Variants in NUBPL observed in about 807,000 individuals in gnomAD.
NUBPL encodes the protein NUBP iron-sulfur cluster assembly factor, mitochondrial.
Under a neutral mutation model 45.7 loss-of-function variants are expected in NUBPL, and 31 were observed. The observed-to-expected ratio is 0.68, with a 90% CI of 0.51 to 0.92. The LOEUF (loss-of-function observed/expected upper bound fraction) is 0.92, where lower values mean the gene tolerates loss of function less well. NUBPL is among the 40% of genes least tolerant of loss of function. The pLI is 0.00. For synonymous variants in NUBPL, 144 were observed against 140.9 expected (o/e 1.02, Z -0.15); for missense variants, 401 against 398.7 (o/e 1.01, Z -0.05).
At chr14:31,676,746 CATTTTTTATTTTTT>C (rs1001662776) in intron 6 of NUBPL, among the ~76,000 whole-genome samples, 10 of 151,486 alleles carry the variant, frequency 6.6e-5, no homozygotes, top group South Asian at 2.1e-4. Flanking sequence ...GTCTTCTACT[CATTTTTTATTTTTT>C]ATTTTTTATT....
chr14:31,721,197 CA>C (rs1434155621), intron 6 of NUBPL, among the ~76,000 whole-genome samples: 1 of 152,122 alleles, frequency 6.6e-6, no homozygotes, highest in Non-Finnish European at 1.5e-5. Flanking sequence ...AAGTCTTAGG[CA>C]AATTGCCCTG....
At chr14:31,688,675 A>G (rs896310169) in intron 6 of NUBPL, among the ~76,000 whole-genome samples, 2 of 103,640 alleles carry the variant, frequency 1.9e-5, no homozygotes, top group African/African-American at 1.6e-4. Context: ...TTTTTTTTTA[A>G]CTTTTAGGTT....
At chr14:31,562,359 G>T (rs751513256) in intron 2 of NUBPL, 144 bp downstream of exon 2, 2 of 815,416 alleles carry the variant, frequency 2.5e-6, no homozygotes, top group East Asian at 2.7e-5. Flanking sequence ...AGTTGGTAGC[G>T]GGTAGACGCT....
chr14:31,669,171 A>C (rs915255599), intron 4 of NUBPL, among the ~76,000 whole-genome samples: 37 of 151,980 alleles, frequency 2.4e-4, no homozygotes, highest in African/African-American at 8.2e-4. Context: ...CTTTATTTTT[A>C]TTTTTAATTG....
intron 6 of NUBPL, among the ~76,000 whole-genome samples, chr14:31,759,928 G>A (rs894885162): frequency 6.6e-6 from 1 of 151,086 alleles, no homozygotes; most frequent in African/African-American, 2.4e-5. Flanking sequence ...AAGCTATGAT[G>A]TTTGGTAGAT....
At chr14:31,616,338 C>G (rs2034898735) in intron 4 of NUBPL, among the ~76,000 whole-genome samples, 1 of 152,046 alleles carries the variant, frequency 6.6e-6, no homozygotes, top group South Asian at 2.1e-4. Flanking sequence ...GTCATGAAGT[C>G]TTTGCCCATG....
chr14:31,772,166 T>C (rs2039020278), intron 6 of NUBPL, among the ~76,000 whole-genome samples: 1 of 152,216 alleles, frequency 6.6e-6, no homozygotes, highest in Non-Finnish European at 1.5e-5. Context: ...TTTTTCTTTA[T>C]TGGAGTGCTA....
chr14:31,843,036 A>G (rs1390877686), intron 8 of NUBPL, among the ~76,000 whole-genome samples: 1 of 152,108 alleles, frequency 6.6e-6, no homozygotes, highest in Non-Finnish European at 1.5e-5. Flanking sequence ...GCACAGGTTT[A>G]TTTGTCTCAT....
At chr14:31,717,611 C>G (rs183260592) in intron 6 of NUBPL, among the ~76,000 whole-genome samples, 16 of 152,198 alleles carry the variant, frequency 1.1e-4, no homozygotes, top group Admixed American at 2.6e-4. Flanking sequence ...AATTTTGAAG[C>G]TTGCTTTTAA....
At chr14:31,610,756 G>T (rs1329488492) in intron 4 of NUBPL, among the ~76,000 whole-genome samples, 2 of 152,082 alleles carry the variant, frequency 1.3e-5, no homozygotes, top group Non-Finnish European at 2.9e-5. Context: ...TTATCCCTGG[G>T]ATGCAAGGAT....
chr14:31,746,988 T>C (rs1481310293), intron 6 of NUBPL, among the ~76,000 whole-genome samples: 6 of 147,416 alleles, frequency 4.1e-5, no homozygotes, highest in Admixed American at 2.1e-4. Context: ...GAGGATTGCC[T>C]GAGCTTAGGA....
intron 3 of NUBPL, among the ~76,000 whole-genome samples, chr14:31,597,069 C>T (rs185467095): frequency 1.2e-4 from 18 of 152,214 alleles, no homozygotes; most frequent in African/African-American, 3.6e-4. Context: ...GTTCTTCCTC[C>T]GTCCTTAATC....
chr14:31,844,641 A>C (rs2040425461), intron 8 of NUBPL: 1 of 129,384 alleles, frequency 7.7e-6, no homozygotes, highest in Admixed American at 7.6e-5. Flanking sequence ...TTCAGAAAGA[A>C]TAACAATTTT....
At chr14:31,753,281 G>A (rs544068042) in intron 6 of NUBPL, among the ~76,000 whole-genome samples, 1 of 152,222 alleles carries the variant, frequency 6.6e-6, no homozygotes, top group Admixed American at 6.5e-5. Context: ...GGTGGCAGGT[G>A]GGCCAGGCCT....
rs377588023 is a variant in NUBPL, at chr14:31,702,637, A to G, written c.513+29063A>G. On this transcript the variant is annotated intron_variant, in intron 6 of 10. Coordinates refer to ENST00000281081, the MANE Select transcript of NUBPL (RefSeq NM_025152.3). ...CATACTGCAACTGAAACTTTCTAGTAATTAAAACTCAGAATTCCTTGAAAG... is the reference window on the plus strand; with the variant it reads ...CATACTGCAACTGAAACTTTCTAGTGATTAAAACTCAGAATTCCTTGAAAG... Among the ~76,000 whole-genome samples, 11 of 152,356 alleles carry G rather than the reference A, an allele frequency of 7.2e-5. No individual in the cohort carries two copies. The South Asian group carries it at 2.3e-3, about 32-fold the overall frequency.
chr14:31,680,048 G>A (rs943355162), intron 6 of NUBPL, among the ~76,000 whole-genome samples: 1 of 152,172 alleles, frequency 6.6e-6, no homozygotes, highest in Non-Finnish European at 1.5e-5. Flanking sequence ...TGTTGCTAGT[G>A]TACAGAAACA....
intron 3 of NUBPL, among the ~76,000 whole-genome samples, chr14:31,565,462 T>A (rs2033411824): frequency 6.6e-6 from 1 of 152,178 alleles, no homozygotes; most frequent in Non-Finnish European, 1.5e-5. Context: ...GTTTATGCAT[T>A]CCTTTCTGTT....
chr14:31,799,282 A>C (rs1301057725), intron 7 of NUBPL, among the ~76,000 whole-genome samples: 1 of 152,102 alleles, frequency 6.6e-6, no homozygotes, highest in Non-Finnish European at 1.5e-5. Flanking sequence ...TCTAGAAAAT[A>C]CTATACATTT....
At chr14:31,841,920 T>TTGTTTTTTTTTTTTTG (rs1232748747) in intron 8 of NUBPL, among the ~76,000 whole-genome samples, 1 of 81,024 alleles carries the variant, frequency 1.2e-5, no homozygotes, top group Non-Finnish European at 2.7e-5. Flanking sequence ...TTCTGGGCTT[T>TTGTTTTTTTTTTTTTG]TTTTTTTTTT....
Sources: gnomAD v4.1 joint callset for allele counts (sites outside exome capture counted in the v4.1 genomes callset) on GRCh38, gnomAD v4.1.1 for gene constraint, MANE v1.5 for transcripts, NCBI Gene and HGNC (gene_info 2026-07-23, HGNC 2026-07-21) for gene names.